Variants in ST6GAL1 observed in about 807,000 individuals in gnomAD.
ST6GAL1 encodes the protein beta-galactoside alpha-2,6-sialyltransferase 1.
A neutral mutation model predicts 38.0 loss-of-function variants in ST6GAL1; 20 were observed. The ratio of observed to expected loss-of-function variants is 0.53; its 90% confidence interval spans 0.37 to 0.77. The LOEUF (loss-of-function observed/expected upper bound fraction) is 0.77, where lower values mean the gene tolerates loss of function less well. Among genes scored for constraint, ST6GAL1 ranks in the 30% least tolerant of loss-of-function variants. The probability of loss-of-function intolerance (pLI) is 0.00; values close to 1 mark genes in which losing one functional copy is unlikely to be tolerated. For missense variants in ST6GAL1, 432 were observed against 496.4 expected (o/e 0.87, Z 1.23); for synonymous variants, 196 against 188.2 (o/e 1.04, Z -0.34).
intron 4 of ST6GAL1, among the ~76,000 whole-genome samples, chr3:187,048,389 T>C (rs936592692): frequency 2.0e-5 from 3 of 152,140 alleles, no homozygotes; most frequent in Admixed American, 6.5e-5. Context: ...CCTGCCCTCA[T>C]TGTGGTCCTG....
chr3:187,039,354 A>T (rs747108657), intron 3 of ST6GAL1, among the ~76,000 whole-genome samples: 7 of 152,238 alleles, frequency 4.6e-5, no homozygotes, highest in African/African-American at 9.6e-5. Flanking sequence ...TTCATTGAGT[A>T]TCCGCTCTGG....
chr3:186,999,915 CTG>C (rs4012253), intron 2 of ST6GAL1, among the ~76,000 whole-genome samples: 27,529 of 151,942 alleles, frequency 0.18, 2,519 homozygotes, highest in African/African-American at 0.19. Context: ...TTGTAGTTCA[CTG>C]CAGCCTTGAA....
At chr3:187,057,942 GGCTCCACCTACTTC>G (rs1296051189) in intron 5 of ST6GAL1, among the ~76,000 whole-genome samples, 1 of 152,128 alleles carries the variant, frequency 6.6e-6, no homozygotes, top group South Asian at 2.1e-4. Context: ...ACCTGCAGTG[GGCTCCACCTACTTC>G]GAGCTTCCAG....
chr3:186,968,541 C>T lies in ST6GAL1; in HGVS notation c.-183+4615C>T, dbSNP rs186434657. Among the ~76,000 whole-genome samples, 7 of 152,280 alleles carry T rather than the reference C, an allele frequency of 4.6e-5. No individual in the cohort carries two copies. The East Asian group carries it at 1.3e-3, about 29-fold the overall frequency. ...CTTCCTGCCCCCTTCCATCTCCTGC[C>T]CTCCATCCTCAGGCAACCACTGGAC... On this transcript the variant is annotated intron_variant, in intron 2 of 7. Transcript: ENST00000169298.
intron 2 of ST6GAL1, among the ~76,000 whole-genome samples, chr3:187,016,742 A>G (rs1717129567): frequency 6.6e-6 from 1 of 152,170 alleles, no homozygotes; most frequent in Non-Finnish European, 1.5e-5. Flanking sequence ...CCAGGAGGCA[A>G]TGATGTGGGC....
chr3:186,931,503 C>T (rs1323982843), intron 1 of ST6GAL1: 2 of 152,372 alleles, frequency 1.3e-5, no homozygotes, highest in African/African-American at 4.8e-5. Context: ...GGCCGTGGCG[C>T]ATTCTTTTGG....
At chr3:186,973,457 C>T (rs1490847229) in intron 2 of ST6GAL1, among the ~76,000 whole-genome samples, 2 of 152,198 alleles carry the variant, frequency 1.3e-5, no homozygotes, top group Non-Finnish European at 2.9e-5. Flanking sequence ...TGCACTGGCC[C>T]TCAGATTTTC....
chr3:186,952,136 G>C lies in ST6GAL1; in HGVS notation c.-324-11649G>C, dbSNP rs750005585. Among the ~76,000 whole-genome samples the C allele has an allele frequency of 6.6e-6, 1 of 152,120 alleles. No individual in the cohort carries two copies. The highest frequency in any genetic ancestry group is 1.5e-5 in the Non-Finnish European group (1 of 68,024). On this transcript the variant is annotated intron_variant, in intron 1 of 7. Transcript: ENST00000169298. The surrounding 1 kb of genome is among the most constrained non-coding windows in gnomAD (Gnocchi z 4.1). The stretch of plus-strand genomic sequence containing the variant: ...GAGGCTTCAGGAAGCTTTTACTCAC[G>C]GCAGGAGGTGAAAAGGGAGGGGGTG...
At chr3:186,986,234 A>G (rs1004728600) in intron 2 of ST6GAL1, 2 of 152,062 alleles carry the variant, frequency 1.3e-5, no homozygotes, top group Non-Finnish European at 2.9e-5. Flanking sequence ...GGATGGGGTA[A>G]ATGACACACT....
At chr3:187,022,655 A>G (rs1717370663) in intron 2 of ST6GAL1, among the ~76,000 whole-genome samples, 1 of 152,164 alleles carries the variant, frequency 6.6e-6, no homozygotes, top group African/African-American at 2.4e-5. Context: ...AAGAGACATT[A>G]ATATCGATTC....
chr3:187,053,840 T>C (rs1408449276), intron 5 of ST6GAL1, among the ~76,000 whole-genome samples: 1 of 152,242 alleles, frequency 6.6e-6, no homozygotes, highest in Non-Finnish European at 1.5e-5. Context: ...GTGAAGAATG[T>C]CATTGGTAGC....
intron 2 of ST6GAL1, chr3:187,006,225 ACCAGTCTAC>A (rs1716782464): frequency 6.6e-6 from 1 of 152,150 alleles, no homozygotes; most frequent in African/African-American, 2.4e-5. Flanking sequence ...TTGTAGATAG[ACCAGTCTAC>A]CTCTGTGGTC....
At chr3:186,991,850 C>T (rs1239227551) in intron 2 of ST6GAL1, among the ~76,000 whole-genome samples, 1 of 152,154 alleles carries the variant, frequency 6.6e-6, no homozygotes, top group Non-Finnish European at 1.5e-5. Flanking sequence ...TGCTCACCTT[C>T]CCACAATAGA....
At chr3:187,067,822 G>C (rs1465306663) in intron 5 of ST6GAL1, among the ~76,000 whole-genome samples, 5 of 152,124 alleles carry the variant, frequency 3.3e-5, no homozygotes, top group Admixed American at 2.6e-4. Context: ...CGTAGCCTTA[G>C]ACAATTCTCT....
At chr3:187,019,615 G>C (rs1304731143) in intron 2 of ST6GAL1, among the ~76,000 whole-genome samples, 1 of 152,218 alleles carries the variant, frequency 6.6e-6, no homozygotes, top group Admixed American at 6.5e-5. Flanking sequence ...AGAAAGAAGG[G>C]TCAGCATTAA....
At chr3:187,011,212 C>T (rs4686832) in intron 2 of ST6GAL1, among the ~76,000 whole-genome samples, 111,487 of 151,588 alleles carry the variant, frequency 0.74, 41,423 homozygotes, top group South Asian at 0.84. Flanking sequence ...TTGGCCAGGC[C>T]GGTCTCGAAC....
chr3:187,074,237 A>C lies in ST6GAL1; in HGVS notation c.883A>C (p.Ile295Leu). Reference protein sequence around the residue: ...RKLHPNQPFYILKPQMPWELW... With the variant: ...RKLHPNQPFYLLKPQMPWELW... Reference sequence around the variant, plus strand: ...GCTGCACCCCAATCAGCCCTTTTACATCCTCAAGCCCCAGATGCCTTGGGA... The same window carrying C: ...GCTGCACCCCAATCAGCCCTTTTACCTCCTCAAGCCCCAGATGCCTTGGGA... Residue 295 changes from isoleucine to leucine, a missense_variant, in exon 7 of 8, where the codon ATC becomes CTC. By Grantham distance (5) the Ile-to-Leu change is conservative (BLOSUM62 2). Coordinates refer to ENST00000169298, the MANE Select transcript of ST6GAL1 (RefSeq NM_173216.2). 6.2e-7 allele frequency: 1 copy of C among 1,613,082 alleles called. No homozygotes were observed. The highest frequency in any genetic ancestry group is 1.3e-5 in the African/African-American group (1 of 75,044).
At chr3:186,935,564 C>T (rs1189274382) in intron 1 of ST6GAL1, among the ~76,000 whole-genome samples, 5 of 152,114 alleles carry the variant, frequency 3.3e-5, no homozygotes, top group Non-Finnish European at 5.9e-5. Context: ...TTTAGTTTTT[C>T]GAGCAATCCC....
At chr3:187,055,496 G>A (rs899191283) in intron 5 of ST6GAL1, among the ~76,000 whole-genome samples, 1 of 152,092 alleles carries the variant, frequency 6.6e-6, no homozygotes, top group Non-Finnish European at 1.5e-5. Flanking sequence ...AGACATTCTG[G>A]TATGTTGTGT....
Sources: allele counts gnomAD v4.1 joint callset (sites outside exome capture counted in the v4.1 genomes callset), GRCh38; gene constraint gnomAD v4.1.1; non-coding constraint Gnocchi (gnomAD v3.1); transcripts MANE v1.5; gene names NCBI Gene and HGNC (gene_info 2026-07-23, HGNC 2026-07-21).